The following PDE4B variants were observed in gnomAD, a reference collection of about 807,000 sequenced individuals.
The protein encoded by PDE4B is phosphodiesterase 4B, also known as 3',5'-cyclic-AMP phosphodiesterase 4B.
A neutral mutation model predicts 82.2 loss-of-function variants in PDE4B; 20 were observed. That is an observed-to-expected ratio of 0.24 (90% CI 0.17 to 0.35). The LOEUF (loss-of-function observed/expected upper bound fraction) is 0.35, where lower values mean the gene tolerates loss of function less well. PDE4B is among the 10% of genes least tolerant of loss of function. PDE4B has a pLI of 1.00. For synonymous variants in PDE4B, 320 were observed against 318.9 expected, an observed-to-expected ratio of 1.00 and a Z score of -0.04; for missense variants, 655 against 907.2, an observed-to-expected ratio of 0.72 and a Z score of 3.57.
At chr1:66,317,421 C>A (rs960024361) in intron 7 of PDE4B, among the ~76,000 whole-genome samples, 4 of 152,148 alleles carry the variant, frequency 2.6e-5, no homozygotes, top group Non-Finnish European at 5.9e-5. Flanking sequence ...GGAGGAAGGG[C>A]TGTTTTATCT....
intron 4 of PDE4B, among the ~76,000 whole-genome samples, chr1:66,251,001 T>G (rs1416150923): frequency 6.6e-6 from 1 of 152,138 alleles, no homozygotes; most frequent in Non-Finnish European, 1.5e-5. Flanking sequence ...AAAGCAGAAA[T>G]AATAATCCAC....
intron 3 of PDE4B, among the ~76,000 whole-genome samples, chr1:66,036,294 T>C (rs1319472936): frequency 1.9e-4 from 29 of 152,208 alleles, no homozygotes; most frequent in Admixed American, 1.9e-3. Flanking sequence ...CTCCCTGAAT[T>C]GTTTTCTTTG....
intron 16 of PDE4B, among the ~76,000 whole-genome samples, 163 bp downstream of exon 16, chr1:66,369,132 A>G (rs2311985): frequency 0.11 from 16,329 of 152,226 alleles, 1,177 homozygotes; most frequent in African/African-American, 0.2. Flanking sequence ...CGACTTCTCC[A>G]TTACACTCAG....
intron 4 of PDE4B, among the ~76,000 whole-genome samples, chr1:66,249,554 G>C (rs1263133668): frequency 1.3e-5 from 2 of 152,046 alleles, no homozygotes; most frequent in Non-Finnish European, 2.9e-5. Flanking sequence ...CAATCCAACT[G>C]AATCTACGGC....
chr1:66,185,086 G>A (rs4655600), intron 3 of PDE4B, among the ~76,000 whole-genome samples: 28,656 of 151,892 alleles, frequency 0.19, 2,824 homozygotes, highest in Non-Finnish European at 0.22. Flanking sequence ...GAGAACATGC[G>A]GTGTTTGGTT....
chr1:66,070,675 G>A (rs938070015), intron 3 of PDE4B, among the ~76,000 whole-genome samples: 3 of 151,904 alleles, frequency 2.0e-5, no homozygotes, highest in African/African-American at 7.2e-5. Context: ...AGCAGGAAAG[G>A]AAAGAGAAAA....
chr1:66,230,028 A>T (rs763758092), intron 3 of PDE4B, among the ~76,000 whole-genome samples: 6 of 151,958 alleles, frequency 3.9e-5, no homozygotes, highest in Non-Finnish European at 8.8e-5. Flanking sequence ...TCTATATAGG[A>T]CTCCTGGAGT....
At chr1:66,287,887 T>G (rs1036302632) in intron 7 of PDE4B, among the ~76,000 whole-genome samples, 2 of 152,064 alleles carry the variant, frequency 1.3e-5, no homozygotes, top group Non-Finnish European at 2.9e-5. Flanking sequence ...GGCAGGAGGA[T>G]GACTTGAGTC....
chr1:65,980,115 T>G (rs1650609320), intron 3 of PDE4B, among the ~76,000 whole-genome samples: 2 of 152,132 alleles, frequency 1.3e-5, no homozygotes, highest in African/African-American at 4.8e-5. Flanking sequence ...AATTCAACAT[T>G]TGTTTGAAAT....
At chr1:66,218,812 G>A (rs984274161) in intron 3 of PDE4B, among the ~76,000 whole-genome samples, 2 of 152,144 alleles carry the variant, frequency 1.3e-5, no homozygotes, top group Non-Finnish European at 2.9e-5. Flanking sequence ...CCTAGCATTC[G>A]ATAGAGTTAA....
intron 3 of PDE4B, among the ~76,000 whole-genome samples, chr1:66,207,655 G>C (rs377044285): frequency 6.6e-6 from 1 of 152,074 alleles, no homozygotes; most frequent in Non-Finnish European, 1.5e-5. Context: ...ATACACAAAG[G>C]GGAAAAAAAC....
chr1:66,027,586 C>G (rs954743486), intron 3 of PDE4B, among the ~76,000 whole-genome samples: 1 of 152,198 alleles, frequency 6.6e-6, no homozygotes, highest in Admixed American at 6.5e-5. Flanking sequence ...AAAGTCTCAC[C>G]TGAGACAAGG....
chr1:66,033,376 T>C (rs1038220483), intron 3 of PDE4B, among the ~76,000 whole-genome samples: 4 of 152,294 alleles, frequency 2.6e-5, no homozygotes, highest in African/African-American at 7.2e-5. Context: ...TTTCTTCTTA[T>C]AGACTCCCTG....
In PDE4B at chr1:66,124,918, C is replaced by CGTGTGTGTGTGT. The variant is rs58795750; in HGVS notation, c.282-122528_282-122517dup. On this transcript the variant is annotated intron_variant, in intron 3 of 16. Coordinates refer to ENST00000341517, the MANE Select transcript of PDE4B (RefSeq NM_002600.4). ...CCTGAACGAGCTGTGTGTGTGTATG[C>CGTGTGTGTGTGT]GTGTGTGTGTGTGTGTGTGTGTGTG... Among the ~76,000 whole-genome samples, 29 of 148,100 alleles carry CGTGTGTGTGTGT rather than the reference C, an allele frequency of 2.0e-4. No individual in the cohort carries two copies. The East Asian group carries it at 2.8e-3, about 14-fold the overall frequency.
chr1:65,911,999 C>CTT (rs34473319), intron 1 of PDE4B, among the ~76,000 whole-genome samples: 1 of 151,714 alleles, frequency 6.6e-6, no homozygotes, highest in Non-Finnish European at 1.5e-5. Flanking sequence ...GAGAAGCAGA[C>CTT]TTTTTTTTAA....
intron 9 of PDE4B, among the ~76,000 whole-genome samples, chr1:66,357,471 C>G (rs1295761931): frequency 6.6e-6 from 1 of 151,962 alleles, no homozygotes; most frequent in Non-Finnish European, 1.5e-5. Context: ...AACACTGTCT[C>G]AAGATGAGGC....
chr1:66,193,784 G>T (rs1173414922), intron 3 of PDE4B, among the ~76,000 whole-genome samples: 1 of 152,016 alleles, frequency 6.6e-6, no homozygotes, highest in Non-Finnish European at 1.5e-5. Flanking sequence ...GGAACTATTA[G>T]CAAAGTAAAA....
At chr1:66,055,816 T>G (rs1289114514) in intron 3 of PDE4B, among the ~76,000 whole-genome samples, 1 of 152,126 alleles carries the variant, frequency 6.6e-6, no homozygotes, top group Non-Finnish European at 1.5e-5. Flanking sequence ...CTGAAAAAAT[T>G]TTTCATTTAA....
intron 1 of PDE4B, among the ~76,000 whole-genome samples, chr1:65,868,784 G>A (rs896791148): frequency 1.3e-5 from 2 of 152,206 alleles, no homozygotes; most frequent in Non-Finnish European, 2.9e-5. Context: ...TCAGATCAGA[G>A]GTGGCATTAG....
Sources: allele counts gnomAD v4.1 joint callset (sites outside exome capture counted in the v4.1 genomes callset), GRCh38; gene constraint gnomAD v4.1.1; transcripts MANE v1.5; gene names NCBI Gene and HGNC (gene_info 2026-07-23, HGNC 2026-07-21).